GMDS: variants seen among roughly 807,000 people sequenced by gnomAD.
GMDS encodes GDP-mannose 4,6 dehydratase.
In GMDS, 20 loss-of-function variants were observed where a neutral mutation model predicts 49.9. The ratio of observed to expected loss-of-function variants is 0.40; its 90% CI spans 0.28 to 0.58. The LOEUF (loss-of-function observed/expected upper bound fraction) is 0.58, where lower values mean the gene tolerates loss of function less well. Among genes scored for constraint, GMDS ranks in the 20% least tolerant of loss-of-function variants. The pLI is 0.42. For missense variants in GMDS, 362 were observed against 481.4 expected, an observed-to-expected ratio of 0.75 and a Z score of 2.32; for synonymous variants, 177 against 178.6, an observed-to-expected ratio of 0.99 and a Z score of 0.07.
In GMDS at chr6:1,726,483, C is replaced by T. The variant is rs1474487728; in HGVS notation, c.920G>A (p.Gly307Asp). 2 of 1,613,030 alleles carry T rather than the reference C, an allele frequency of 1.2e-6. No individual in the cohort carries two copies. Among genetic ancestry groups the T allele is most frequent in the Non-Finnish European group, 8.5e-7 (1 of 1,178,932 alleles). The change falls in exon 9 of 11, where the codon GGC (glycine) becomes GAC (aspartate). Residue 307 changes from glycine (G) to aspartate (D), a missense_variant. Physicochemically the swap from Gly to Asp is moderately conservative, Grantham distance 94. Coordinates refer to ENST00000380815, the MANE Select transcript of GMDS (RefSeq NM_001500.4). ...AACTTTGCCGGTCTCTTTACATCTG[C>T]CCACTTCATTTTCATTCTTTCCTTC... The part of the protein sequence containing the change: ...VWEGKNENEV[G>D]RCKETGKVHV...
chr6:1,783,489 T>C (rs1299165309), intron 7 of GMDS, among the ~76,000 whole-genome samples: 1 of 152,130 alleles, frequency 6.6e-6, no homozygotes, highest in Non-Finnish European at 1.5e-5. Context: ...AGACAAACAC[T>C]GAAGTCAGGA....
chr6:1,751,772 A>G (rs1271234259), intron 7 of GMDS, among the ~76,000 whole-genome samples: 1 of 152,192 alleles, frequency 6.6e-6, no homozygotes, highest in Non-Finnish European at 1.5e-5. Flanking sequence ...GATTACAGGC[A>G]TGAGCCACCG....
In GMDS at chr6:1,640,574, G is replaced by A. The variant is rs958505707; in HGVS notation, c.988-16034C>T. Among the ~76,000 whole-genome samples the A allele has an allele frequency of 6.6e-6, 1 of 152,160 alleles. No homozygotes were observed. The highest frequency in any genetic ancestry group is 1.9e-4 in the East Asian group (1 of 5,178). ...TGCTGGATGTGGCTGTGCCTTCTAG[G>A]TGCCCGTTTTGGAGAGAATACATTT... On this transcript the variant is annotated intron_variant, in intron 9 of 10. Transcript: ENST00000380815. This position sits in a 1 kb window ranked among gnomAD's most constrained non-coding sequence, Gnocchi z 4.0.
At chr6:1,926,518 A>C (rs2113917119) in intron 7 of GMDS, among the ~76,000 whole-genome samples, 1 of 152,350 alleles carries the variant, frequency 6.6e-6, no homozygotes, top group African/African-American at 2.4e-5. Flanking sequence ...ATGAGATGGT[A>C]TTATGACTTG....
At chr6:1,779,133 G>A (rs571220013) in intron 7 of GMDS, among the ~76,000 whole-genome samples, 12 of 152,236 alleles carry the variant, frequency 7.9e-5, no homozygotes, top group South Asian at 2.1e-4. Context: ...CTCTGGGTAC[G>A]AGGACAGCCT....
chr6:1,857,627 G>A (rs1422295312), intron 7 of GMDS, among the ~76,000 whole-genome samples: 1 of 152,142 alleles, frequency 6.6e-6, no homozygotes, highest in Non-Finnish European at 1.5e-5. Context: ...CAAGCAGAAT[G>A]TACACCTCCC....
At chr6:2,023,876 A>C (rs1768421942) in intron 4 of GMDS, among the ~76,000 whole-genome samples, 1 of 152,166 alleles carries the variant, frequency 6.6e-6, no homozygotes, top group Admixed American at 6.5e-5. Context: ...GTGCCTAATA[A>C]AGGTTACATA....
At chr6:1,889,532 G>A (rs1446370247) in intron 7 of GMDS, among the ~76,000 whole-genome samples, 5 of 152,000 alleles carry the variant, frequency 3.3e-5, no homozygotes, top group African/African-American at 1.2e-4. Flanking sequence ...GGAACTTCAC[G>A]TTTCCCTCTG....
intron 4 of GMDS, among the ~76,000 whole-genome samples, chr6:2,032,339 T>C (rs573982653): frequency 1.3e-5 from 2 of 152,310 alleles, no homozygotes; most frequent in South Asian, 2.1e-4. Flanking sequence ...ATCTTCTTCT[T>C]ATGGAATCCT....
chr6:2,245,195 G>A, intron 1 of GMDS, 126 bp downstream of exon 1: 1 of 681,268 alleles, frequency 1.5e-6, no homozygotes, highest in East Asian at 3.1e-5. Context: ...CCTCCCGGCA[G>A]CAGACCCCTT....
intron 4 of GMDS, among the ~76,000 whole-genome samples, chr6:2,103,842 GTTAA>G (rs1200651748): frequency 3.9e-5 from 6 of 152,222 alleles, no homozygotes; most frequent in African/African-American, 7.2e-5. Context: ...ATTTAGGAAT[GTTAA>G]TTAAGACATA....
chr6:2,002,044 G>C (rs1298456321), intron 4 of GMDS, among the ~76,000 whole-genome samples: 1 of 152,146 alleles, frequency 6.6e-6, no homozygotes, highest in Non-Finnish European at 1.5e-5. Flanking sequence ...TTTCCAAGTA[G>C]AAGTGCATAG....
rs547728536 is a variant in GMDS at position 1,883,397 on chromosome 6, AT to A, written c.771+46705del. Among the ~76,000 whole-genome samples, 27 of 152,332 alleles carry A rather than the reference AT, an allele frequency of 1.8e-4. No individual in the cohort carries two copies. The East Asian group carries it at 4.2e-3, about 24-fold the overall frequency. ...AAAGCGAGACTCCATCTCAAAAAAA[AT>A]AAAATAAAATGATAATAATAATTTT... On this transcript the variant is annotated intron_variant, in intron 7 of 10. Transcript: ENST00000380815.
chr6:2,035,267 C>T (rs999675585), intron 4 of GMDS, among the ~76,000 whole-genome samples: 1 of 152,172 alleles, frequency 6.6e-6, no homozygotes, highest in African/African-American at 2.4e-5. Flanking sequence ...GTTCTCCCCT[C>T]ATGTGCCAAG....
intron 5 of GMDS, among the ~76,000 whole-genome samples, 164 bp downstream of exon 5, chr6:1,960,610 G>T (rs1014179488): frequency 2.6e-5 from 4 of 152,160 alleles, no homozygotes; most frequent in African/African-American, 9.7e-5. Context: ...ACGTATAAAG[G>T]TATGCTTCTC....
intron 7 of GMDS, among the ~76,000 whole-genome samples, chr6:1,913,079 C>A (rs957701673): frequency 1.3e-5 from 2 of 151,934 alleles, no homozygotes; most frequent in Non-Finnish European, 2.9e-5. Context: ...ATAACTGACC[C>A]TTTAAGAAAG....
At chr6:1,780,071 G>C (rs1769017842) in intron 7 of GMDS, among the ~76,000 whole-genome samples, 2 of 152,222 alleles carry the variant, frequency 1.3e-5, no homozygotes, top group African/African-American at 4.8e-5. Flanking sequence ...ACTCAAAGTG[G>C]GGAATGGACG....
At chr6:2,179,771 C>T (rs545758570) in intron 1 of GMDS, among the ~76,000 whole-genome samples, 1 of 152,198 alleles carries the variant, frequency 6.6e-6, no homozygotes, top group South Asian at 2.1e-4. Flanking sequence ...AGAAATGAAA[C>T]TTAAGGTGAT....
At chr6:2,236,847 C>A (rs577690419) in intron 1 of GMDS, among the ~76,000 whole-genome samples, 3 of 152,156 alleles carry the variant, frequency 2.0e-5, no homozygotes, top group Non-Finnish European at 2.9e-5. Context: ...ACAATCAAAC[C>A]AAATGCTCAA....
Sources: allele counts gnomAD v4.1 joint callset (sites outside exome capture counted in the v4.1 genomes callset), GRCh38; gene constraint gnomAD v4.1.1; non-coding constraint Gnocchi (gnomAD v3.1); transcripts MANE v1.5; gene names NCBI Gene and HGNC (gene_info 2026-07-23, HGNC 2026-07-21).